Variants in COL21A1 observed in about 807,000 individuals in gnomAD.
The protein encoded by COL21A1 is collagen type XXI alpha 1 chain, also known as collagen alpha-1(XXI) chain.
Under a neutral mutation model 137.9 loss-of-function variants are expected in COL21A1, and 149 were observed. That is an observed-to-expected ratio of 1.08 (90% CI 0.95 to 1.24). The LOEUF (loss-of-function observed/expected upper bound fraction) is 1.24. Among genes scored for constraint, COL21A1 ranks in the 50% most tolerant of loss-of-function variants. COL21A1 has a pLI of 0.00. For missense variants in COL21A1, 1,167 were observed against 1,158.4 expected (o/e 1.01, Z -0.11); for synonymous variants, 456 against 391.5 (o/e 1.16, Z -1.95).
At chr6:56,180,598 G>A (rs1324642717) in intron 2 of COL21A1, among the ~76,000 whole-genome samples, 1 of 152,122 alleles carries the variant, frequency 6.6e-6, no homozygotes, top group Non-Finnish European at 1.5e-5. Flanking sequence ...AACACATCTG[G>A]TCAACACATC....
intron 1 of COL21A1, among the ~76,000 whole-genome samples, chr6:56,237,928 A>G (rs1392196615): frequency 6.6e-6 from 1 of 152,142 alleles, no homozygotes; most frequent in African/African-American, 2.4e-5. Context: ...ATAAAGCCTC[A>G]GTTCATTCAA....
chr6:56,263,093 G>T (rs1038287445), intron 1 of COL21A1, among the ~76,000 whole-genome samples: 1 of 152,172 alleles, frequency 6.6e-6, no homozygotes, highest in Non-Finnish European at 1.5e-5. Flanking sequence ...CTCCGCTCCT[G>T]CAAGAATGCA....
At position 56,260,585 on chromosome 6, in the gene COL21A1, A is replaced by AAGAAGAAGAAG. The variant is rs1430065674; in HGVS notation, c.-38-77930_-38-77929insCTTCTTCTTCT. On this transcript the variant is annotated intron_variant, in intron 1 of 28. Transcript: ENST00000370819. Reference sequence around the variant, plus strand: ...CAAGACTCTATCAAAAAAAAAAAAGAAAGAAGAAGAAGAAGAAGAAGAAGA... The same window carrying AAGAAGAAGAAG: ...CAAGACTCTATCAAAAAAAAAAAAGAAGAAGAAGAAGAAGAAGAAGAAGAAGAAGAAGAAGA... 4.9e-4 allele frequency among the ~76,000 whole-genome samples: 45 copies of AAGAAGAAGAAG among 91,838 alleles called. 6 individuals carry two copies. The highest frequency in any genetic ancestry group is 8.3e-4 in the East Asian group (3 of 3,598). The allele number at this position is 91,838 out of a possible 152,430, so 60.2% of individuals were successfully genotyped here. A position where few individuals can be genotyped will look rare whatever the true frequency, so the allele number is the denominator to read the frequency against.
intron 14 of COL21A1, among the ~76,000 whole-genome samples, chr6:56,125,137 T>C (rs1305181491): frequency 4.0e-5 from 6 of 148,174 alleles, no homozygotes; most frequent in East Asian, 4.1e-4. Flanking sequence ...TCTCCTGCCT[T>C]AGCCTCCTGA....
intron 1 of COL21A1, among the ~76,000 whole-genome samples, chr6:56,350,608 C>T (rs577848266): frequency 8.7e-4 from 133 of 152,298 alleles, no homozygotes; most frequent in Admixed American, 2.3e-3. Context: ...AGTTTGTTTT[C>T]TAGACCTTCC....
chr6:56,087,406 G>A (rs570033077), intron 17 of COL21A1, among the ~76,000 whole-genome samples: 2 of 152,090 alleles, frequency 1.3e-5, no homozygotes, highest in South Asian at 2.1e-4. Flanking sequence ...TGTCTTAGGG[G>A]GCAAGTAGAC....
Position 56,240,515 on chromosome 6 carries a change from G to A in COL21A1, c.-39+6872C>T, listed in dbSNP as rs184704995. 3.0e-3 allele frequency among the ~76,000 whole-genome samples: 462 copies of A among 152,276 alleles called. 4 individuals carry two copies. The highest frequency in any genetic ancestry group is 5.6e-3 in the Non-Finnish European group (384 of 68,022). On this transcript the variant is annotated intron_variant, in intron 1 of 29. Coordinates refer to ENST00000244728, the MANE Select transcript of COL21A1 (RefSeq NM_030820.4). ...GAGATATACCTCAATAGGAATCTTA[G>A]GAATAAATAAACTCTACATTTCTCA... is the stretch of plus-strand genomic sequence containing the variant.
intron 23 of COL21A1, among the ~76,000 whole-genome samples, chr6:56,065,231 G>A (rs550992273): frequency 7.9e-5 from 12 of 151,936 alleles, no homozygotes; most frequent in South Asian, 4.2e-4. Flanking sequence ...TATTTATTGC[G>A]CAAAATAATT....
intron 1 of COL21A1, among the ~76,000 whole-genome samples, chr6:56,341,105 G>C (rs1281510028): frequency 6.6e-6 from 1 of 152,156 alleles, no homozygotes; most frequent in African/African-American, 2.4e-5. Flanking sequence ...TCTATTTACA[G>C]ACAGGAAGCT....
chr6:56,215,410 C>T (rs1377058618), intron 1 of COL21A1, among the ~76,000 whole-genome samples: 2 of 152,076 alleles, frequency 1.3e-5, no homozygotes, highest in Non-Finnish European at 2.9e-5. Flanking sequence ...GGTCCACAAT[C>T]CTCACCTGGC....
At chr6:56,387,510 G>C (rs945436236) in intron 1 of COL21A1, among the ~76,000 whole-genome samples, 4 of 152,118 alleles carry the variant, frequency 2.6e-5, no homozygotes, top group Non-Finnish European at 5.9e-5. Context: ...ATTAAGGATA[G>C]AGGCATTGAA....
At chr6:56,133,096 C>A (rs768211356) in intron 12 of COL21A1, among the ~76,000 whole-genome samples, 11 of 152,174 alleles carry the variant, frequency 7.2e-5, no homozygotes, top group Non-Finnish European at 1.3e-4. Flanking sequence ...AACTTTGGAA[C>A]TGGGTAACCG....
At chr6:56,343,923 G>A (rs1018192018) in intron 1 of COL21A1, among the ~76,000 whole-genome samples, 1 of 152,164 alleles carries the variant, frequency 6.6e-6, no homozygotes, top group Non-Finnish European at 1.5e-5. Flanking sequence ...TCCAGCCTGG[G>A]TGACAAAGAA....
In COL21A1 at chr6:56,374,344, A is replaced by AT. The variant is rs572608774; in HGVS notation, c.-39+19626dup. 1.9e-3 allele frequency among the ~76,000 whole-genome samples: 285 copies of AT among 152,310 alleles called. 3 individuals carry two copies. Among genetic ancestry groups the AT allele is most frequent in the South Asian group, 1.2e-3 (6 of 4,820 alleles). ...GACAGCCACAAATGCCAAGCTGCAAATAATTGAAGACATCTTGTTTGCTAA... is the reference window on the plus strand; with the variant it reads ...GACAGCCACAAATGCCAAGCTGCAAATTAATTGAAGACATCTTGTTTGCTAA... On this transcript the variant is annotated intron_variant, in intron 1 of 28. Coordinates refer to the COL21A1 transcript ENST00000370819.
intron 1 of COL21A1, among the ~76,000 whole-genome samples, chr6:56,305,578 T>C (rs1203622840): frequency 6.6e-6 from 1 of 152,164 alleles, no homozygotes; most frequent in Non-Finnish European, 1.5e-5. Flanking sequence ...TTGTTTTCCA[T>C]TTGCTTGGTA....
chr6:56,274,145 A>G (rs1049425682), intron 1 of COL21A1, among the ~76,000 whole-genome samples: 1 of 152,168 alleles, frequency 6.6e-6, no homozygotes, highest in Non-Finnish European at 1.5e-5. Context: ...ACACAGAAAA[A>G]GCTTTCAATA....
At chr6:56,302,886 CATCTTGAATTAA>C in intron 1 of COL21A1, among the ~76,000 whole-genome samples, 1 of 152,124 alleles carries the variant, frequency 6.6e-6, no homozygotes, top group South Asian at 2.1e-4. Context: ...GTCTTTAATC[CATCTTGAATTAA>C]TTTTTGCATA....
intron 3 of COL21A1, among the ~76,000 whole-genome samples, chr6:56,176,601 A>AAAG (rs1554152883): frequency 1.4e-4 from 20 of 140,836 alleles, no homozygotes; most frequent in Non-Finnish European, 2.4e-4. Context: ...ATTACCAAAA[A>AAAG]AAAGAAAGAA....
At chr6:56,077,844 A>T in intron 17 of COL21A1, 1 of 410,466 alleles carries the variant, frequency 2.4e-6, no homozygotes, top group Non-Finnish European at 4.4e-6. Context: ...GCACCCCAAC[A>T]CATGAGTGAT....
Sources: gnomAD v4.1 joint callset for allele counts (sites outside exome capture counted in the v4.1 genomes callset) on GRCh38, gnomAD v4.1.1 for gene constraint, MANE v1.5 for transcripts, NCBI Gene and HGNC (gene_info 2026-07-23, HGNC 2026-07-21) for gene names.